PCDHGB1: variants seen among roughly 807,000 people sequenced by gnomAD.
PCDHGB1 encodes the protein protocadherin gamma subfamily B, 1.
Under a neutral mutation model 56.6 loss-of-function variants are expected in PCDHGB1, and 34 were observed. The ratio of observed to expected loss-of-function variants is 0.60; its 90% CI spans 0.46 to 0.80. PCDHGB1 has a LOEUF of 0.80. Among genes scored for constraint, PCDHGB1 ranks in the 30% least tolerant of loss-of-function variants. PCDHGB1 has a pLI of 0.00. For synonymous variants in PCDHGB1, 561 were observed against 505.9 expected (o/e 1.11, Z -1.46); for missense variants, 1,278 against 1,204.6 (o/e 1.06, Z -0.90).
intron 1 of PCDHGB1, among the ~76,000 whole-genome samples, chr5:141,373,147 T>C (rs1769357441): frequency 6.6e-6 from 1 of 152,270 alleles, no homozygotes; most frequent in African/African-American, 2.4e-5. Flanking sequence ...TTAAGTGGTT[T>C]ACTTAGTTTT....
chr5:141,429,105 C>A (rs936114624), intron 1 of PCDHGB1: 2 of 152,318 alleles, frequency 1.3e-5, no homozygotes, highest in African/African-American at 4.8e-5. Flanking sequence ...CTGCCCGCCT[C>A]GGCCTCCCAA....
At position 141,490,960 on chromosome 5, in the gene PCDHGB1, T is replaced by G. The variant is rs1384140919; in HGVS notation, c.2410-3847T>G. 1.9e-6 allele frequency: 3 copies of G among 1,613,794 alleles called. No individual in the cohort carries two copies. In the Admixed American group the frequency reaches 5.0e-5, roughly 27 times the overall value. On this transcript the variant is annotated intron_variant, in intron 1 of 3. Transcript: ENST00000523390. The surrounding 1 kb of genome is among the most constrained non-coding windows in gnomAD (Gnocchi z 5.4). ...GCACCCACGGCCAGACTGGGAACAC[T>G]CAGCCCCCCAGCGTCTCCCTCGCTC...
intron 1 of PCDHGB1, chr5:141,371,926 G>A (rs766218641): frequency 2.5e-6 from 4 of 1,613,370 alleles, no homozygotes; most frequent in East Asian, 4.5e-5. Context: ...AGCGCGCGGA[G>A]CGGGGTGGTG....
intron 1 of PCDHGB1, among the ~76,000 whole-genome samples, chr5:141,353,694 C>T (rs1759356470): frequency 6.6e-6 from 1 of 152,122 alleles, no homozygotes; most frequent in Admixed American, 6.5e-5. Flanking sequence ...AAGCGTTTTC[C>T]ATACTTCTTG....
At chr5:141,430,980 T>C in intron 1 of PCDHGB1, 1 of 1,613,618 alleles carries the variant, frequency 6.2e-7, no homozygotes, top group African/African-American at 1.3e-5. Context: ...AGGACGCAGC[T>C]TTTCGCCCTG....
At chr5:141,435,214 A>C (rs1314928643) in intron 1 of PCDHGB1, among the ~76,000 whole-genome samples, 1 of 152,176 alleles carries the variant, frequency 6.6e-6, no homozygotes, top group Non-Finnish European at 1.5e-5. Flanking sequence ...AAGTGAATTT[A>C]CTTTCTTTCA....
At position 141,431,141 on chromosome 5, in the gene PCDHGB1, G is replaced by C. The variant is rs1262504427; in HGVS notation, c.2410-63666G>C. 1 of 1,614,094 alleles carries C rather than the reference G, an allele frequency of 6.2e-7. No individual in the cohort carries two copies. The highest frequency in any genetic ancestry group is 2.2e-5 in the East Asian group (1 of 44,896). On this transcript the variant is annotated intron_variant, in intron 1 of 3. Coordinates refer to ENST00000523390, the MANE Select transcript of PCDHGB1 (RefSeq NM_018922.3). The surrounding 1 kb of genome is among the most constrained non-coding windows in gnomAD (Gnocchi z 4.8). The stretch of plus-strand genomic sequence containing the variant: ...AGAAGTAGAAGTAAGGGACATTAAC[G>C]ACAATGCGCCTTACTTTCGTGAAAG...
At chr5:141,364,925 C>T in intron 1 of PCDHGB1, 2 of 1,613,910 alleles carry the variant, frequency 1.2e-6, no homozygotes, top group Non-Finnish European at 8.5e-7. Flanking sequence ...GTTGGAACAG[C>T]CCCTAGACCG....
intron 3 of PCDHGB1, among the ~76,000 whole-genome samples, chr5:141,510,230 G>A (rs1285202719): frequency 2.7e-5 from 4 of 149,638 alleles, no homozygotes; most frequent in Non-Finnish European, 5.9e-5. Context: ...CCGGGATCGC[G>A]CCACTGCACT....
intron 1 of PCDHGB1, chr5:141,418,083 T>C: frequency 6.2e-7 from 1 of 1,614,068 alleles, no homozygotes; most frequent in Non-Finnish European, 8.5e-7. Context: ...AAGCTGCACT[T>C]CAGCGTAGAC....
In PCDHGB1 at chr5:141,422,062, A is replaced by G. The variant is rs776838280; in HGVS notation, c.2409+69393A>G. The G allele has an allele frequency of 1.2e-6, 2 of 1,612,022 alleles. No individual in the cohort carries two copies. The highest frequency in any genetic ancestry group is 2.7e-5 in the African/African-American group (2 of 74,802). ...AGACGAGGGAATCAACGGGGAAGTAATGTATTCATTTCGGAACATGGAAAG... is the reference window on the plus strand; with the variant it reads ...AGACGAGGGAATCAACGGGGAAGTAGTGTATTCATTTCGGAACATGGAAAG... On this transcript the variant is annotated intron_variant, in intron 1 of 3. Transcript: ENST00000523390.
At position 141,486,493 on chromosome 5, in the gene PCDHGB1, T is replaced by C. The variant is rs761905572; in HGVS notation, c.2410-8314T>C. The C allele has an allele frequency of 1.2e-6, 2 of 1,614,136 alleles. No homozygotes were observed. The highest frequency in any genetic ancestry group is 1.7e-6 in the Non-Finnish European group (2 of 1,179,960). Reference sequence around the variant, plus strand: ...ACCCTCCTCTCAGTACCCACAGAACTATTTTCCTCAATATTTCAGATGTGA... The same window carrying C: ...ACCCTCCTCTCAGTACCCACAGAACCATTTTCCTCAATATTTCAGATGTGA... On this transcript the variant is annotated intron_variant, in intron 1 of 3. Transcript: ENST00000523390. The surrounding 1 kb of genome is among the most constrained non-coding windows in gnomAD (Gnocchi z 5.0).
chr5:141,374,846 C>G, intron 1 of PCDHGB1: 1 of 1,613,842 alleles, frequency 6.2e-7, no homozygotes, highest in Non-Finnish European at 8.5e-7. Context: ...TCCTGAAAAC[C>G]TGCCAGTAGG....
At chr5:141,383,846 A>C (rs745543311) in intron 1 of PCDHGB1, 1 of 1,613,960 alleles carries the variant, frequency 6.2e-7, no homozygotes, top group Admixed American at 1.7e-5. Context: ...GCCTTCTATG[A>C]AATGGAGGTT....
chr5:141,414,429 G>A (rs1372056104), intron 1 of PCDHGB1: 1 of 1,613,860 alleles, frequency 6.2e-7, no homozygotes, highest in Non-Finnish European at 8.5e-7. Flanking sequence ...ACAGGGAACA[G>A]GTATCCTCTT....
intron 2 of PCDHGB1, among the ~76,000 whole-genome samples, chr5:141,501,333 A>ACACACC (rs1186649373): frequency 1.5e-4 from 21 of 140,134 alleles, no homozygotes; most frequent in African/African-American, 3.4e-4. Flanking sequence ...ACACACACAC[A>ACACACC]CCCCAAACTC....
intron 1 of PCDHGB1, chr5:141,355,219 C>A (rs768131751): frequency 3.1e-6 from 5 of 1,605,648 alleles, no homozygotes; most frequent in Non-Finnish European, 4.3e-6. Flanking sequence ...GCCTCCTGCT[C>A]GCCCAGACCA....
At chr5:141,398,742 G>GAGT (rs2093697710) in intron 1 of PCDHGB1, 1 of 1,613,726 alleles carries the variant, frequency 6.2e-7, no homozygotes, top group Non-Finnish European at 8.5e-7. Flanking sequence ...GGGAACAACA[G>GAGT]AGTTACCATC....
chr5:141,414,533 C>T, intron 1 of PCDHGB1: 1 of 1,613,960 alleles, frequency 6.2e-7, no homozygotes, highest in Non-Finnish European at 8.5e-7. Flanking sequence ...AATGACAACC[C>T]ACCTACCTTC....
Sources: allele counts gnomAD v4.1 joint callset (sites outside exome capture counted in the v4.1 genomes callset), GRCh38; gene constraint gnomAD v4.1.1; non-coding constraint Gnocchi (gnomAD v3.1); transcripts MANE v1.5; gene names NCBI Gene and HGNC (gene_info 2026-07-23, HGNC 2026-07-21).